The following PRH1 variants were observed in gnomAD, a reference collection of about 807,000 sequenced individuals.
The protein encoded by PRH1 is salivary acidic proline-rich phosphoprotein 1/2.
A neutral mutation model predicts 7.9 loss-of-function variants in PRH1; 7 were observed. The ratio of observed to expected loss-of-function variants is 0.89; its 90% CI spans 0.50 to 1.67. PRH1 has a LOEUF of 1.67. PRH1 is among the 40% of genes most tolerant of loss of function. The pLI is 0.00. For missense variants in PRH1, 109 were observed against 223.6 expected, an observed-to-expected ratio of 0.49 and a Z score of 3.27; for synonymous variants, 45 against 80.8, an observed-to-expected ratio of 0.56 and a Z score of 2.38.
chr12:10,882,887 T>C (rs1222131620), intron 2 of PRH1, among the ~76,000 whole-genome samples, 174 bp downstream of exon 2: 3 of 152,140 alleles, frequency 2.0e-5, no homozygotes, highest in Non-Finnish European at 4.4e-5. Flanking sequence ...AAAAATTGAA[T>C]TTCTTTACTC....
intron 1 of PRH1, among the ~76,000 whole-genome samples, chr12:11,020,164 T>C (rs1022747542): frequency 2.0e-5 from 3 of 152,258 alleles, no homozygotes; most frequent in African/African-American, 7.2e-5. Context: ...CTGCAGATTT[T>C]ATGATGAGCT....
At chr12:10,936,652 T>C (rs1251531642) in intron 2 of PRH1, among the ~76,000 whole-genome samples, 1 of 152,210 alleles carries the variant, frequency 6.6e-6, no homozygotes, top group African/African-American at 2.4e-5. Flanking sequence ...ACTTTCCATA[T>C]TCTAGAATGG....
At chr12:11,010,138 C>G (rs1302452920) in intron 1 of PRH1, among the ~76,000 whole-genome samples, 1 of 151,984 alleles carries the variant, frequency 6.6e-6, no homozygotes, top group African/African-American at 2.4e-5. Context: ...GCATTTTAAA[C>G]TAAACTTCAC....
chr12:10,966,958 AC>A (rs1254122919), intron 2 of PRH1, among the ~76,000 whole-genome samples: 1 of 152,062 alleles, frequency 6.6e-6, no homozygotes, highest in African/African-American at 2.4e-5. Context: ...TACAAAAAAT[AC>A]AAAAAATTAG....
chr12:11,050,888 T>C (rs926318739), upstream of PRH1, among the ~76,000 whole-genome samples: 1 of 152,254 alleles, frequency 6.6e-6, no homozygotes, highest in Admixed American at 6.5e-5. Context: ...GAGTACACTG[T>C]TCCCAGAAGA....
intron 2 of PRH1, among the ~76,000 whole-genome samples, chr12:10,897,570 T>A (rs1830181119): frequency 6.6e-6 from 1 of 152,232 alleles, no homozygotes; most frequent in African/African-American, 2.4e-5. Context: ...AGAGGTTTAA[T>A]TGGCTCATGG....
At chr12:10,964,952 A>G (rs1019881281) in intron 2 of PRH1, 4 of 632,678 alleles carry the variant, frequency 6.3e-6, no homozygotes, top group African/African-American at 5.5e-5. Flanking sequence ...CAAAGACCCC[A>G]ATAGTATCAC....
intron 1 of PRH1, among the ~76,000 whole-genome samples, chr12:11,066,126 A>AT (rs1287932669): frequency 1.6e-5 from 2 of 125,054 alleles, no homozygotes; most frequent in Admixed American, 7.9e-5. Flanking sequence ...AGATTGAAGA[A>AT]CTTTAAGTCT....
intron 2 of PRH1, among the ~76,000 whole-genome samples, chr12:10,893,550 G>A (rs1033882834): frequency 5.9e-5 from 9 of 152,192 alleles, no homozygotes; most frequent in African/African-American, 2.2e-4. Flanking sequence ...GGGCAAAATT[G>A]CCCTGTGTGG....
At position 11,096,756 on chromosome 12, in the gene PRH1, C is replaced by T. The variant is rs1397048224; in HGVS notation, n.124-49568G>A. 4.3e-5 allele frequency among the ~76,000 whole-genome samples: 5 copies of T among 115,068 alleles called. 2 individuals are homozygous for T. The highest frequency in any genetic ancestry group is 2.6e-4 in the Admixed American group (3 of 11,538). The allele number at this position is 115,068 out of a possible 152,430, so 75.5% of individuals were successfully genotyped here. ...GAATCTCAACCACAGCTCCATCATT[C>T]TATTCCATTATTTAAATTTTATGCG... is the stretch of plus-strand genomic sequence containing the variant. On this transcript the variant is annotated intron_variant and non_coding_transcript_variant, in intron 1 of 4. Coordinates refer to the PRH1 transcript ENST00000541977.
intron 1 of PRH1, among the ~76,000 whole-genome samples, chr12:11,088,220 A>T (rs1944773907): frequency 7.8e-6 from 1 of 128,320 alleles, no homozygotes; most frequent in African/African-American, 2.8e-5. Context: ...GTGCCCCTGC[A>T]GTCCCAGCTG....
chr12:11,128,628 C>G (rs1001573758), intron 1 of PRH1, among the ~76,000 whole-genome samples: 4 of 152,068 alleles, frequency 2.6e-5, no homozygotes, highest in Non-Finnish European at 4.4e-5. Flanking sequence ...CACCTATAAT[C>G]CGAGCCACTC....
chr12:11,005,035 C>T (rs1940764575), intron 1 of PRH1, among the ~76,000 whole-genome samples: 1 of 152,096 alleles, frequency 6.6e-6, no homozygotes, highest in African/African-American at 2.4e-5. Flanking sequence ...AAGGTCCTGA[C>T]ATTAAATTCT....
chr12:10,948,451 T>C (rs935320398), intron 2 of PRH1, among the ~76,000 whole-genome samples: 2 of 152,226 alleles, frequency 1.3e-5, no homozygotes, highest in African/African-American at 2.4e-5. Context: ...TGTGAGATTC[T>C]TGTATTGCGT....
intron 2 of PRH1, chr12:10,895,056 A>T (rs1327903699): frequency 1.3e-5 from 2 of 152,252 alleles, no homozygotes; most frequent in African/African-American, 4.8e-5. Context: ...GAATGGCCAG[A>T]TGGATGGAAA....
At chr12:11,170,966 G>A (rs371503114) in intron 1 of PRH1, among the ~76,000 whole-genome samples, 10 of 152,310 alleles carry the variant, frequency 6.6e-5, no homozygotes, top group Middle Eastern at 6.8e-3. Context: ...TAACACAGCA[G>A]ACAAACTAAA....
At chr12:10,980,097 G>A (rs752766599) in intron 1 of PRH1, among the ~76,000 whole-genome samples, 10 of 152,102 alleles carry the variant, frequency 6.6e-5, no homozygotes, top group Non-Finnish European at 1.3e-4. Context: ...GTAAGGCCAT[G>A]ACCAGATGAA....
rs1351603802 is a variant in PRH1, at chr12:11,030,930, G to T, written c.-126+16090C>A. 1.2e-5 allele frequency: 19 copies of T among 1,614,080 alleles called. No homozygotes were observed. The East Asian group carries it at 1.3e-4, about 11-fold the overall frequency. On this transcript the variant is annotated intron_variant, in intron 1 of 3. Transcript: ENST00000539853. ...AGTTGACAAGCCAAAAATAGTAAAGGCCCCAACAGCATCACCAGAATGACA... is the reference window on the plus strand; with the variant it reads ...AGTTGACAAGCCAAAAATAGTAAAGTCCCCAACAGCATCACCAGAATGACA...
At chr12:11,171,267 C>G (rs1361975938) in intron 1 of PRH1, 2 of 863,982 alleles carry the variant, frequency 2.3e-6, no homozygotes, top group Non-Finnish European at 3.1e-6. Flanking sequence ...CTTTGCTTAC[C>G]GTCCTGCCGG....
Sources: gnomAD v4.1 joint callset for allele counts (sites outside exome capture counted in the v4.1 genomes callset) on GRCh38, gnomAD v4.1.1 for gene constraint, MANE v1.5 for transcripts, NCBI Gene and HGNC (gene_info 2026-07-23, HGNC 2026-07-21) for gene names.